The following BRI3 variants were observed in gnomAD, a reference collection of about 807,000 sequenced individuals.
BRI3 encodes membrane protein BRI3.
Under a neutral mutation model 12.8 loss-of-function variants are expected in BRI3, and 6 were observed. The ratio of observed to expected loss-of-function variants is 0.47; its 90% CI spans 0.26 to 0.93. The LOEUF (loss-of-function observed/expected upper bound fraction) is 0.93. Among genes scored for constraint, BRI3 ranks in the 40% least tolerant of loss-of-function variants. BRI3 has a pLI of 0.15. For synonymous variants in BRI3, 91 were observed against 76.1 expected (o/e 1.20, Z -1.02); for missense variants, 134 against 171.1 (o/e 0.78, Z 1.21).
chr7:98,305,339 A>G (rs1800614914), upstream of BRI3, among the ~76,000 whole-genome samples: 1 of 152,074 alleles, frequency 6.6e-6, no homozygotes, highest in African/African-American at 2.4e-5. Context: ...AAAAAAATGT[A>G]AACACTTGAA....
exon 2 of BRI3, chr7:98,310,098 GC>G (rs1459482017): frequency 4.9e-6 from 1 of 205,370 alleles, no homozygotes; most frequent in Admixed American, 6.4e-5. Flanking sequence ...TGATCCACCT[GC>G]CTCGGCCTCC....
At chr7:98,290,107 G>A (rs1799854425) in intron 2 of BRI3, among the ~76,000 whole-genome samples, 1 of 151,318 alleles carries the variant, frequency 6.6e-6, no homozygotes, top group Non-Finnish European at 1.5e-5. Context: ...GGATCACTAA[G>A]CTGCTAGTTG....
At chr7:98,315,507 C>T in the BRI3 span, 3 of 1,522,032 alleles carry the variant, frequency 2.0e-6, no homozygotes, top group African/African-American at 2.8e-5. Context: ...CAGTGCTTAT[C>T]AACCAGAAAG....
intron 1 of BRI3, among the ~76,000 whole-genome samples, chr7:98,298,088 A>G (rs560776492): frequency 1.4e-4 from 21 of 152,302 alleles, no homozygotes; most frequent in African/African-American, 5.1e-4. Context: ...TTAAAGAGAT[A>G]TCACGTGACC....
chr7:98,292,783 C>T (rs1394732996), downstream of BRI3: 9 of 1,544,822 alleles, frequency 5.8e-6, no homozygotes, highest in African/African-American at 1.4e-5. Flanking sequence ...ACACAAGGAG[C>T]CGTGACTCCG....
At chr7:98,305,732 A>G (rs1315208454), upstream of BRI3, among the ~76,000 whole-genome samples, 1 of 152,138 alleles carries the variant, frequency 6.6e-6, no homozygotes, top group Non-Finnish European at 1.5e-5. Flanking sequence ...CAGTTTCCTC[A>G]TTTTTTAAAG....
intron 2 of BRI3, among the ~76,000 whole-genome samples, chr7:98,288,483 G>A (rs1253505638): frequency 6.6e-6 from 1 of 151,758 alleles, no homozygotes; most frequent in East Asian, 2.0e-4. Flanking sequence ...CTTAAATAGG[G>A]GACACATTTG....
chr7:98,305,151 A>G (rs1242474268), upstream of BRI3, among the ~76,000 whole-genome samples: 1 of 143,172 alleles, frequency 7.0e-6, no homozygotes, highest in Admixed American at 7.5e-5. Flanking sequence ...TCGGCCTCCC[A>G]AAGTGCTGGG....
rs192143197 is a variant in BRI3, at chr7:98,281,708, C to T, written c.-88C>T. ...CTCAGAGGGGCCCGAGCCACCCGGT[C>T]CGCCGCGTCCCCGCCGCCGCCGCCG... is the stretch of plus-strand genomic sequence containing the variant. On this transcript the variant is annotated 5_prime_UTR_variant, in exon 1 of 3. Coordinates refer to ENST00000297290, the MANE Select transcript of BRI3 (RefSeq NM_015379.5). The T allele has an allele frequency of 0.087, 53,750 of 616,100 alleles. 3,102 individuals carry two copies. Among genetic ancestry groups the T allele is most frequent in the South Asian group, 0.24 (3,387 of 14,050 alleles). 38.2% of individuals were successfully genotyped at this position (616,100 alleles called of 1,614,324 possible).
At chr7:98,294,702 G>A (rs576456290), downstream of BRI3, among the ~76,000 whole-genome samples, 1 of 152,324 alleles carries the variant, frequency 6.6e-6, no homozygotes, top group South Asian at 2.1e-4. Flanking sequence ...TGTGCTTTTT[G>A]GGAGCTGACT....
the BRI3 span, among the ~76,000 whole-genome samples, chr7:98,315,963 C>T: frequency 6.6e-6 from 1 of 152,210 alleles, no homozygotes; most frequent in African/African-American, 2.4e-5. Flanking sequence ...CAAATGCCAA[C>T]AATAGGTGAT....
intron 2 of BRI3, among the ~76,000 whole-genome samples, chr7:98,283,593 C>T (rs1269610965): frequency 6.6e-6 from 1 of 152,158 alleles, no homozygotes; most frequent in Non-Finnish European, 1.5e-5. Context: ...CCCGGAGCTG[C>T]ACCGGGTTGG....
At chr7:98,295,376 C>T (rs950914612), downstream of BRI3, among the ~76,000 whole-genome samples, 13 of 152,212 alleles carry the variant, frequency 8.5e-5, no homozygotes, top group Non-Finnish European at 1.9e-4. Flanking sequence ...AGCCACTGAC[C>T]TGCCTTGCAC....
chr7:98,293,300 A>T (rs967928808), downstream of BRI3: 1 of 456,872 alleles, frequency 2.2e-6, no homozygotes, highest in African/African-American at 2.0e-5. Context: ...AATATTTTAA[A>T]TGGCTGAGCT....
At chr7:98,287,431 T>C (rs926034863) in intron 2 of BRI3, among the ~76,000 whole-genome samples, 1 of 151,884 alleles carries the variant, frequency 6.6e-6, no homozygotes, top group Non-Finnish European at 1.5e-5. Flanking sequence ...GGAAGGAGGG[T>C]GTTTCCCTGT....
At chr7:98,313,350 C>T (rs114042631), downstream of BRI3, among the ~76,000 whole-genome samples, 3,696 of 152,106 alleles carry the variant, frequency 0.024, 147 homozygotes, top group African/African-American at 0.085. Context: ...TTACTGGGAC[C>T]GATGGTTAAG....
At chr7:98,311,784 TA>T (rs570404907), downstream of BRI3, among the ~76,000 whole-genome samples, 81 of 152,018 alleles carry the variant, frequency 5.3e-4, no homozygotes, top group African/African-American at 1.6e-3. Context: ...TGCGCCCCAG[TA>T]ATCCCAGCTA....
At chr7:98,287,788 A>C (rs1037718489) in intron 2 of BRI3, among the ~76,000 whole-genome samples, 6 of 152,310 alleles carry the variant, frequency 3.9e-5, no homozygotes, top group African/African-American at 1.4e-4. Flanking sequence ...GCCCCCAGGC[A>C]GCACTGTGAA....
chr7:98,322,222 T>A, the BRI3 span, among the ~76,000 whole-genome samples: 1 of 152,094 alleles, frequency 6.6e-6, no homozygotes, highest in African/African-American at 2.4e-5. Flanking sequence ...TCGGCTATGA[T>A]CACCATACAA....
Sources: gnomAD v4.1 joint callset for allele counts (sites outside exome capture counted in the v4.1 genomes callset) on GRCh38, gnomAD v4.1.1 for gene constraint, MANE v1.5 for transcripts, NCBI Gene and HGNC (gene_info 2026-07-23, HGNC 2026-07-21) for gene names.